The following HSPA5 variants were observed in gnomAD, a reference collection of about 807,000 sequenced individuals.
The protein encoded by HSPA5 is endoplasmic reticulum chaperone BiP.
Under a neutral mutation model 49.5 loss-of-function variants are expected in HSPA5, and 16 were observed. The ratio of observed to expected loss-of-function variants is 0.32; its 90% CI spans 0.22 to 0.49. HSPA5 has a LOEUF of 0.49. HSPA5 is among the 20% of genes least tolerant of loss of function. The pLI, the probability that HSPA5 is intolerant of heterozygous loss-of-function variation, is 0.99. For missense variants in HSPA5, 376 were observed against 819.0 expected, an observed-to-expected ratio of 0.46 and a Z score of 6.60; for synonymous variants, 271 against 307.2, an observed-to-expected ratio of 0.88 and a Z score of 1.23.
rs1356972308 is a variant in HSPA5, at chr9:125,238,279, G to C, written c.1264C>G (p.Leu422Val). ...CCCACAGTTTCAATACCAAGTGTAA[G>C]GGGACATACATCAAGCAGTACCAGG... ...GDLVLLDVCP[L>V]TLGIETVGGV... Residue 422 changes from leucine to valine, a missense_variant, in exon 7 of 8, where the codon CTT (leucine) becomes GTT (valine). Around this residue, in one of 8 missense-constraint regions of HSPA5, gnomAD observed 7 missense variants for 56.1 expected, o/e 0.12. Coordinates refer to ENST00000324460, the MANE Select transcript of HSPA5 (RefSeq NM_005347.5). 6.2e-7 allele frequency: 1 copy of C among 1,613,940 alleles called. No homozygotes were observed. Among genetic ancestry groups the C allele is most frequent in the Non-Finnish European group, 8.5e-7 (1 of 1,179,948 alleles).
chr9:125,238,767 T>C lies in HSPA5; in HGVS notation c.1057A>G (p.Lys353Glu). Residue 353 changes from lysine to glutamate, a missense_variant, in exon 6 of 8, where the codon AAG becomes GAG. Around this residue, in one of 8 missense-constraint regions of HSPA5, gnomAD observed 89 missense variants for 155.9 expected, o/e 0.57. Transcript: ENST00000324460. ...QKVLEDSDLKKSDIDEIVLVG... is the reference protein window; with the variant it reads ...QKVLEDSDLKESDIDEIVLVG... The stretch of plus-strand genomic sequence containing the variant: ...AGAACAATTTCATCAATATCAGACT[T>C]CTTCAAATCAGAATCTTCCAACACT... The C allele has an allele frequency of 6.2e-7, 1 of 1,614,178 alleles. No individual in the cohort carries two copies. Among genetic ancestry groups the C allele is most frequent in the South Asian group, 1.1e-5 (1 of 91,082 alleles).
At chr9:125,238,414 C>A (rs1832523902) in intron 6 of HSPA5, 106 bp from the exon 7 acceptor site, 1 of 1,093,794 alleles carries the variant, frequency 9.1e-7, no homozygotes, top group South Asian at 1.4e-5. Context: ...ATTTTAAAGG[C>A]AGTGAATTAA....
intron 7 of HSPA5, 43 bp downstream of exon 7, chr9:125,238,098 T>C: frequency 6.6e-7 from 1 of 1,516,802 alleles, no homozygotes; most frequent in Non-Finnish European, 9.1e-7. Context: ...CAAGACTTCA[T>C]CTCAAAAAAA....
chr9:125,239,105 C>T lies in HSPA5; in HGVS notation c.832G>A (p.Val278Ile). ...TGCACAGCTCTATTGTCTTTCCTGA[C>T]ATCTTTGCCCGTCTTCTTTTTGTAC... Reference protein sequence around the residue: ...KLYKKKTGKDVRKDNRAVQKL... With the variant: ...KLYKKKTGKDIRKDNRAVQKL... Residue 278 changes from valine (V) to isoleucine (I), a missense_variant, in exon 5 of 8, where the codon GTC (valine) becomes ATC (isoleucine). Transcript: ENST00000324460. The surrounding 1 kb of genome is among the most constrained non-coding windows in gnomAD (Gnocchi z 5.5). 1 of 1,614,190 alleles carries T rather than the reference C, an allele frequency of 6.2e-7. No individual in the cohort carries two copies. The highest frequency in any genetic ancestry group is 8.5e-7 in the Non-Finnish European group (1 of 1,180,032).
rs769846479 is a variant in HSPA5 at position 125,235,752 on chromosome 9, T to C, written c.*840A>G. On this transcript the variant is annotated 3_prime_UTR_variant, in exon 8 of 8. Coordinates refer to ENST00000324460, the MANE Select transcript of HSPA5 (RefSeq NM_005347.5). Reference sequence around the variant, plus strand: ...TTACATCCTAAAGTTACAAATGAAATCCAAGTGTATAAAGTTAATACCAGT... The same window carrying C: ...TTACATCCTAAAGTTACAAATGAAACCCAAGTGTATAAAGTTAATACCAGT... 4.6e-5 allele frequency: 7 copies of C among 151,958 alleles called. No individual in the cohort carries two copies. The highest frequency in any genetic ancestry group is 8.8e-5 in the Non-Finnish European group (6 of 68,002). 9.4% of individuals were successfully genotyped at this position (151,958 alleles called of 1,614,324 possible).
Position 125,240,856 on chromosome 9 carries a change from G to GC in HSPA5, c.173dup (p.Asn59GlnfsTer13). On this transcript the variant is annotated frameshift_variant, in exon 2 of 8. Transcript: ENST00000324460. LOFTEE classifies it high-confidence loss of function. This position sits in a 1 kb window ranked among gnomAD's most constrained non-coding sequence, Gnocchi z 4.4. The stretch of plus-strand genomic sequence containing the variant: ...CGACATAGGACGGCGTGATGCGGTT[G>GC]CCCTGATCGTTGGCGATGATCTCCA... 1 of 1,614,238 alleles carries GC rather than the reference G, an allele frequency of 6.2e-7. No homozygotes were observed. The highest frequency in any genetic ancestry group is 8.5e-7 in the Non-Finnish European group (1 of 1,180,034).
In HSPA5 at chr9:125,236,464, T is replaced by C. The variant is rs184764893; in HGVS notation, c.*128A>G. ...AAGCAGTAAACAGCCGCTTAGGCTA[T>C]AGCAGTTTCAACTCCACTCTGAGGT... On this transcript the variant is annotated 3_prime_UTR_variant, in exon 8 of 8. Coordinates refer to ENST00000324460, the MANE Select transcript of HSPA5 (RefSeq NM_005347.5). 2.3e-4 allele frequency: 147 copies of C among 649,638 alleles called. No homozygotes were observed. The African/African-American group carries it at 2.3e-3, about 10-fold the overall frequency. 40.2% of individuals were successfully genotyped at this position (649,638 alleles called of 1,614,324 possible). A position where few individuals can be genotyped will look rare whatever the true frequency, so the allele number is the denominator to read the frequency against.
rs1246334127 is a variant in HSPA5, at chr9:125,239,350, GAA to G, written c.606-21_606-20del. On this transcript the variant is annotated intron_variant, in intron 4 of 7. Coordinates refer to ENST00000324460, the MANE Select transcript of HSPA5 (RefSeq NM_005347.5). This position sits in a 1 kb window ranked among gnomAD's most constrained non-coding sequence, Gnocchi z 5.5. ...TGCCGTACTATTAGATTGAAAAAGGGAAAAGTTTTGTCAGTACTTCACATTTC... is the reference window on the plus strand; with the variant it reads ...TGCCGTACTATTAGATTGAAAAAGGGAAGTTTTGTCAGTACTTCACATTTC... 14 of 1,611,848 alleles carry G rather than the reference GAA, an allele frequency of 8.7e-6. No homozygotes were observed. The highest frequency in any genetic ancestry group is 1.2e-5 in the Non-Finnish European group (14 of 1,178,162).
chr9:125,240,556 T>C lies in HSPA5; in HGVS notation c.354+120A>G. The C allele has an allele frequency of 2.4e-6, 2 of 816,914 alleles. No homozygotes were observed. Among genetic ancestry groups the C allele is most frequent in the Non-Finnish European group, 4.0e-6 (2 of 504,306 alleles). 50.6% of individuals were successfully genotyped at this position (816,914 alleles called of 1,614,324 possible). A position where few individuals can be genotyped will look rare whatever the true frequency, so the allele number is the denominator to read the frequency against. ...TAACATACTAATAGTATTAAAGTTA[T>C]TACATACATCATGTCTATAACCTTC... On this transcript the variant is annotated intron_variant, in intron 2 of 7. Transcript: ENST00000324460. This position sits in a 1 kb window ranked among gnomAD's most constrained non-coding sequence, Gnocchi z 4.4.
rs1832556306 is a variant in HSPA5, at chr9:125,240,889, G to A, written c.141C>T (p.Asn47=). 7.4e-6 allele frequency: 12 copies of A among 1,614,136 alleles called. No homozygotes were observed. The highest frequency in any genetic ancestry group is 9.3e-6 in the Non-Finnish European group (11 of 1,179,938). The change falls in exon 2 of 8, where the codon AAC becomes AAT. Residue 47 remains asparagine (N), a synonymous_variant. Transcript: ENST00000324460. This position sits in a 1 kb window ranked among gnomAD's most constrained non-coding sequence, Gnocchi z 4.4. ...TTYSCVGVFK[N]GRVEIIANDQ... Reference sequence around the variant, plus strand: ...CGTTGGCGATGATCTCCACGCGGCCGTTCTTGAACACGCCGACGCTGGCAG... The same window carrying A: ...CGTTGGCGATGATCTCCACGCGGCCATTCTTGAACACGCCGACGCTGGCAG...
In HSPA5 at chr9:125,238,998, A is replaced by G. The variant is rs1564207480; in HGVS notation, c.939T>C (p.Tyr313=). Residue 313 remains tyrosine (Y), a synonymous_variant, in exon 5 of 8, where the codon TAT becomes TAC. Coordinates refer to ENST00000324460, the MANE Select transcript of HSPA5 (RefSeq NM_005347.5). ...GGGTCTCAGAAAAGTCTTCTCCTTC[A>G]TAGAAGGACTCAATTTCAATTCTTG... ...HQARIEIESF[Y]EGEDFSETLT... is the part of the protein sequence containing the mutation. 1 of 1,613,870 alleles carries G rather than the reference A, an allele frequency of 6.2e-7. No individual in the cohort carries two copies. The highest frequency in any genetic ancestry group is 8.5e-7 in the Non-Finnish European group (1 of 1,179,822).
Position 125,240,653 on chromosome 9 carries a change from G to T in HSPA5, c.354+23C>A. ...CCCACCACCCACCCGTTCTCTAACTGGATGAGAAAAACCCGGTCGAACCTT... is the reference window on the plus strand; with the variant it reads ...CCCACCACCCACCCGTTCTCTAACTTGATGAGAAAAACCCGGTCGAACCTT... On this transcript the variant is annotated intron_variant, in intron 2 of 7. Coordinates refer to ENST00000324460, the MANE Select transcript of HSPA5 (RefSeq NM_005347.5). This position sits in a 1 kb window ranked among gnomAD's most constrained non-coding sequence, Gnocchi z 4.4. 6.3e-7 allele frequency: 1 copy of T among 1,594,578 alleles called. No homozygotes were observed. Among genetic ancestry groups the T allele is most frequent in the Non-Finnish European group, 8.6e-7 (1 of 1,162,924 alleles).
rs1481972967 is a variant in HSPA5, at chr9:125,236,960, G to A, written c.1597C>T (p.Leu533=). 10 of 1,613,832 alleles carry A rather than the reference G, an allele frequency of 6.2e-6. No homozygotes were observed. The highest frequency in any genetic ancestry group is 7.6e-6 in the Non-Finnish European group (9 of 1,179,866). The change falls in exon 8 of 8, where the codon CTG becomes TTG. Residue 533 remains leucine, a synonymous_variant. Transcript: ENST00000324460. ...KITITNDQNR[L]TPEEIERMVN... is the part of the protein sequence containing the mutation. ...ATCCTTTCGATTTCTTCAGGTGTCA[G>A]GCGATTCTGGTCATTGGTGATTGTG...
Position 125,236,400 on chromosome 9 carries a change from TC to T in HSPA5, c.*191del. On this transcript the variant is annotated 3_prime_UTR_variant, in exon 8 of 8. Coordinates refer to ENST00000324460, the MANE Select transcript of HSPA5 (RefSeq NM_005347.5). ...TTTTTAAGATGGCCAATTCTTCTTCTCCCCCCCACCCAAAGACATGTGAGCA... is the reference window on the plus strand; with the variant it reads ...TTTTTAAGATGGCCAATTCTTCTTCTCCCCCCACCCAAAGACATGTGAGCA... The T allele has an allele frequency of 1.2e-5, 6 of 485,068 alleles. No individual in the cohort carries two copies. Among genetic ancestry groups the T allele is most frequent in the South Asian group, 8.6e-5 (2 of 23,346 alleles). 30.0% of individuals were successfully genotyped at this position (485,068 alleles called of 1,614,324 possible).
In HSPA5 at chr9:125,240,419, A is replaced by T. The variant is rs1832549423; in HGVS notation, c.355-110T>A. The T allele has an allele frequency of 3.2e-6, 3 of 940,146 alleles. No individual in the cohort carries two copies. In the East Asian group the frequency reaches 7.5e-5, roughly 23 times the overall value. 58.2% of individuals were successfully genotyped at this position (940,146 alleles called of 1,614,324 possible). A position where few individuals can be genotyped will look rare whatever the true frequency, so the allele number is the denominator to read the frequency against. ...TTTATTTTGGTCCCTTGGGGCTGCA[A>T]ATTGACTAGAAATACTTCAGGGAGT... On this transcript the variant is annotated intron_variant, in intron 2 of 7. Transcript: ENST00000324460. This position sits in a 1 kb window ranked among gnomAD's most constrained non-coding sequence, Gnocchi z 4.4.
At position 125,240,978 on chromosome 9, in the gene HSPA5, T is replaced by TC; in HGVS notation, c.122+26dup. On this transcript the variant is annotated intron_variant, in intron 1 of 7. Transcript: ENST00000324460. The surrounding 1 kb of genome is among the most constrained non-coding windows in gnomAD (Gnocchi z 4.4). ...CGCCAGGCCAGGCGGCCACGCCCCGTCCCCCTGCATCCGCAACCCCACTTA... is the reference window on the plus strand; with the variant it reads ...CGCCAGGCCAGGCGGCCACGCCCCGTCCCCCCTGCATCCGCAACCCCACTTA... 6.2e-7 allele frequency: 1 copy of TC among 1,610,878 alleles called. No individual in the cohort carries two copies. The highest frequency in any genetic ancestry group is 8.5e-7 in the Non-Finnish European group (1 of 1,178,058).
intron 7 of HSPA5, 26 bp downstream of exon 7, chr9:125,238,115 T>C (rs1564207110): frequency 6.9e-6 from 11 of 1,586,334 alleles, no homozygotes; most frequent in Non-Finnish European, 9.5e-6. Flanking sequence ...AAAAAAGCCA[T>C]GATATTAACA....
intron 6 of HSPA5, 125 bp from the exon 7 acceptor site, chr9:125,238,433 T>C: frequency 1.0e-6 from 1 of 1,001,034 alleles, no homozygotes; most frequent in South Asian, 1.5e-5. Context: ...AAACAGTTGC[T>C]AATGATCTTG....
rs767511394 is a variant in HSPA5 at position 125,240,190 on chromosome 9, C to T, written c.474G>A (p.Glu158=). 4 of 1,600,548 alleles carry T rather than the reference C, an allele frequency of 2.5e-6. No homozygotes were observed. Among genetic ancestry groups the T allele is most frequent in the Non-Finnish European group, 3.4e-6 (4 of 1,176,054 alleles). ...TATTTACCTTCTTTCCCAAATAAGC[C>T]TCAGCGGTTTCTTTCATTTTAGTGA... ...MVLTKMKETA[E]AYLGKKVTHA... is the part of the protein sequence containing the mutation. Residue 158 remains glutamate (E), a synonymous_variant, in exon 3 of 8, where the codon GAG becomes GAA. Coordinates refer to ENST00000324460, the MANE Select transcript of HSPA5 (RefSeq NM_005347.5). The surrounding 1 kb of genome is among the most constrained non-coding windows in gnomAD (Gnocchi z 4.4).
Sources: allele counts gnomAD v4.1 joint callset, GRCh38; gene constraint gnomAD v4.1.1; regional missense constraint gnomAD v4.1.1; non-coding constraint Gnocchi (gnomAD v3.1); transcripts MANE v1.5; gene names NCBI Gene and HGNC (gene_info 2026-07-23, HGNC 2026-07-21).